The following RAB3B variants were observed in gnomAD, a reference collection of about 807,000 sequenced individuals.
RAB3B encodes ras-related protein Rab-3B.
A neutral mutation model predicts 20.5 loss-of-function variants in RAB3B; 11 were observed. The ratio of observed to expected loss-of-function variants is 0.54; its 90% CI spans 0.34 to 0.89. The LOEUF (loss-of-function observed/expected upper bound fraction) is 0.89, where lower values mean the gene tolerates loss of function less well. RAB3B is among the 40% of genes least tolerant of loss of function. The pLI is 0.02. For synonymous variants in RAB3B, 99 were observed against 106.3 expected (o/e 0.93, Z 0.42); for missense variants, 225 against 280.9 (o/e 0.80, Z 1.42).
chr1:51,937,018 TG>T (rs1415869609), intron 3 of RAB3B, among the ~76,000 whole-genome samples: 1 of 152,188 alleles, frequency 6.6e-6, no homozygotes, highest in Admixed American at 6.5e-5. Context: ...TTCACCATGT[TG>T]GCTAGGCTGG....
At chr1:51,949,751 T>C (rs1255038314) in intron 2 of RAB3B, among the ~76,000 whole-genome samples, 3 of 152,206 alleles carry the variant, frequency 2.0e-5, no homozygotes, top group Admixed American at 2.0e-4. Flanking sequence ...AGTCAGCTCC[T>C]TGCTCCACTC....
rs1196900645 is a variant in RAB3B at position 51,911,802 on chromosome 1, T to C, written c.*8125A>G. Reference sequence around the variant, plus strand: ...AATGGAAAAAGAATAGGTCCAGCTTTTTATAAAAATCTTAGGGAAGGATTC... The same window carrying C: ...AATGGAAAAAGAATAGGTCCAGCTTCTTATAAAAATCTTAGGGAAGGATTC... On this transcript the variant is annotated 3_prime_UTR_variant, in exon 5 of 5. Coordinates refer to ENST00000371655, the MANE Select transcript of RAB3B (RefSeq NM_002867.4). 2.0e-5 allele frequency: 3 copies of C among 152,208 alleles called. No homozygotes were observed. The highest frequency in any genetic ancestry group is 1.3e-4 in the Admixed American group (2 of 15,272). The allele number at this position is 152,208 out of a possible 1,614,324, so 9.4% of individuals were successfully genotyped here.
At chr1:51,966,997 C>T (rs917779242) in intron 2 of RAB3B, among the ~76,000 whole-genome samples, 1 of 152,190 alleles carries the variant, frequency 6.6e-6, no homozygotes, top group African/African-American at 2.4e-5. Context: ...TCACTCTGAG[C>T]CTCAGCCTCC....
intron 2 of RAB3B, among the ~76,000 whole-genome samples, chr1:51,957,209 T>G: frequency 6.6e-6 from 1 of 152,224 alleles, no homozygotes; most frequent in East Asian, 1.9e-4. Flanking sequence ...GCCCTCACTC[T>G]GTCGATCTTT....
At chr1:51,933,773 C>G (rs1023943521) in intron 3 of RAB3B, among the ~76,000 whole-genome samples, 2 of 152,112 alleles carry the variant, frequency 1.3e-5, no homozygotes, top group African/African-American at 2.4e-5. Flanking sequence ...TTTAAGCTAC[C>G]AAGTCTATAG....
chr1:51,981,954 T>A (rs920627701), intron 1 of RAB3B, among the ~76,000 whole-genome samples: 1 of 152,198 alleles, frequency 6.6e-6, no homozygotes, highest in African/African-American at 2.4e-5. Flanking sequence ...ACTACACTTT[T>A]TATTGTTATT....
intron 2 of RAB3B, among the ~76,000 whole-genome samples, chr1:51,965,092 ACT>A (rs1684830493): frequency 6.6e-6 from 1 of 151,904 alleles, no homozygotes; most frequent in Admixed American, 6.6e-5. Context: ...GGTGGCACAC[ACT>A]TGTAATCCCA....
intron 2 of RAB3B, among the ~76,000 whole-genome samples, chr1:51,943,043 C>T (rs1213090280): frequency 6.6e-6 from 1 of 152,122 alleles, no homozygotes; most frequent in Non-Finnish European, 1.5e-5. Flanking sequence ...CTCTTCAGGA[C>T]TCCCTATGCC....
chr1:51,982,753 A>AAT (rs2124318899), intron 1 of RAB3B, among the ~76,000 whole-genome samples: 1 of 151,616 alleles, frequency 6.6e-6, no homozygotes, highest in African/African-American at 2.4e-5. Context: ...AATCTCAAAA[A>AAT]AATAATAATA....
intron 1 of RAB3B, among the ~76,000 whole-genome samples, chr1:51,977,894 C>T (rs568850701): frequency 1.3e-5 from 2 of 152,368 alleles, no homozygotes; most frequent in East Asian, 3.9e-4. Context: ...AAATAACCAA[C>T]TAACCAAAGA....
chr1:51,972,287 A>G (rs1684947684), intron 2 of RAB3B, among the ~76,000 whole-genome samples: 1 of 152,188 alleles, frequency 6.6e-6, no homozygotes, highest in Non-Finnish European at 1.5e-5. Context: ...GGAAAGTGAA[A>G]CCAAGGATAA....
chr1:51,932,321 GC>G (rs1684337811), intron 4 of RAB3B, among the ~76,000 whole-genome samples: 1 of 152,142 alleles, frequency 6.6e-6, no homozygotes, highest in South Asian at 2.1e-4. Flanking sequence ...CTGTCTAAAA[GC>G]TAAGCAGTAC....
chr1:51,978,374 G>C (rs1334024243), intron 1 of RAB3B, among the ~76,000 whole-genome samples: 2 of 152,204 alleles, frequency 1.3e-5, no homozygotes, highest in Non-Finnish European at 2.9e-5. Flanking sequence ...GATAACAATG[G>C]ATGAAACCAT....
intron 2 of RAB3B, among the ~76,000 whole-genome samples, chr1:51,974,185 C>T (rs1299030182): frequency 6.6e-6 from 1 of 152,234 alleles, no homozygotes; most frequent in Non-Finnish European, 1.5e-5. Context: ...ATATTCTGTG[C>T]TCTCACATCC....
chr1:51,982,632 A>G (rs750081241), intron 1 of RAB3B, among the ~76,000 whole-genome samples: 5 of 152,002 alleles, frequency 3.3e-5, no homozygotes, highest in Non-Finnish European at 7.4e-5. Context: ...GCGCACCTGT[A>G]ATCCCAGCTA....
chr1:51,922,907 G>A (rs1571956081), intron 4 of RAB3B, among the ~76,000 whole-genome samples: 1 of 152,154 alleles, frequency 6.6e-6, no homozygotes, highest in East Asian at 1.9e-4. Flanking sequence ...ATGTTGGCCA[G>A]GCTAGTCTGG....
At chr1:51,930,688 C>A (rs1273813223) in intron 4 of RAB3B, among the ~76,000 whole-genome samples, 1 of 152,166 alleles carries the variant, frequency 6.6e-6, no homozygotes, top group East Asian at 1.9e-4. Flanking sequence ...ACATGGTAAG[C>A]ACCTAATAAA....
At position 51,913,511 on chromosome 1, in the gene RAB3B, G is replaced by A. The variant is rs115535279; in HGVS notation, c.*6416C>T. 0.021 allele frequency: 3,125 copies of A among 148,542 alleles called. 50 individuals carry two copies. The highest frequency in any genetic ancestry group is 0.029 in the Admixed American group (435 of 14,776). The allele number at this position is 148,542 out of a possible 1,614,324, so 9.2% of individuals were successfully genotyped here. A position where few individuals can be genotyped will look rare whatever the true frequency, so the allele number is the denominator to read the frequency against. On this transcript the variant is annotated 3_prime_UTR_variant, in exon 5 of 5. Transcript: ENST00000371655. ...TTTTGAGACTGAGTCTGGCTCTATC[G>A]CCCAGGCTGAAGTGCAGTGGTGCGA...
intron 2 of RAB3B, among the ~76,000 whole-genome samples, chr1:51,960,735 G>A (rs1054357430): frequency 6.6e-6 from 1 of 152,146 alleles, no homozygotes; most frequent in African/African-American, 2.4e-5. Flanking sequence ...GAAAATGGGA[G>A]TAAAAGGGCC....
Sources: allele counts gnomAD v4.1 joint callset (sites outside exome capture counted in the v4.1 genomes callset), GRCh38; gene constraint gnomAD v4.1.1; transcripts MANE v1.5; gene names NCBI Gene and HGNC (gene_info 2026-07-23, HGNC 2026-07-21).